Variants in SCML4 observed in about 807,000 individuals in gnomAD.
SCML4 encodes the protein Scm polycomb group protein like 4, also known as sex comb on midleg-like protein 4.
In SCML4, 34 loss-of-function variants were observed where a neutral mutation model predicts 41.1. The observed-to-expected ratio is 0.83, with a 90% CI of 0.63 to 1.10. The LOEUF (loss-of-function observed/expected upper bound fraction) is 1.10, where lower values mean the gene tolerates loss of function less well. Ranked by LOEUF, SCML4 falls within the 50% of genes least tolerant of loss-of-function variation. The pLI, the probability that SCML4 is intolerant of heterozygous loss-of-function variation, is 0.00. For missense variants in SCML4, 522 were observed against 534.1 expected (o/e 0.98, Z 0.22); for synonymous variants, 214 against 220.9 (o/e 0.97, Z 0.28).
chr6:107,786,885 T>C (rs528586932), intron 1 of SCML4, among the ~76,000 whole-genome samples: 1 of 152,366 alleles, frequency 6.6e-6, no homozygotes, highest in African/African-American at 2.4e-5. Flanking sequence ...GCTGCCAAGA[T>C]GGCTCTTCGC....
upstream of SCML4, among the ~76,000 whole-genome samples, chr6:107,825,936 CAAAAAAA>C (rs71015515): frequency 8.0e-5 from 5 of 62,654 alleles, no homozygotes; most frequent in African/African-American, 3.8e-4. Flanking sequence ...GACTCCATCT[CAAAAAAA>C]AAAAAAAAAA....
chr6:107,795,399 G>C (rs1264539149), intron 1 of SCML4, among the ~76,000 whole-genome samples: 2 of 152,020 alleles, frequency 1.3e-5, no homozygotes, highest in Non-Finnish European at 2.9e-5. Context: ...CTTAATTGCA[G>C]TATAATTTAC....
chr6:107,835,674 A>T, the SCML4 span, among the ~76,000 whole-genome samples: 1 of 144,454 alleles, frequency 6.9e-6, no homozygotes, highest in Non-Finnish European at 1.5e-5. Context: ...CTGAGATGGG[A>T]TGATCACTTG....
At chr6:107,787,625 T>C (rs1157277586) in intron 1 of SCML4, among the ~76,000 whole-genome samples, 2 of 152,248 alleles carry the variant, frequency 1.3e-5, no homozygotes, top group Admixed American at 6.5e-5. Context: ...TTTTGTAATA[T>C]AAACCAACAG....
chr6:107,804,453 TGGA>T lies in SCML4; in HGVS notation c.-60+19670_-60+19672del, dbSNP rs527804834. Among the ~76,000 whole-genome samples, 322 of 152,264 alleles carry T rather than the reference TGGA, an allele frequency of 2.1e-3. 1 individual carries two copies. Among genetic ancestry groups the T allele is most frequent in the African/African-American group, 7.5e-3 (310 of 41,550 alleles). On this transcript the variant is annotated intron_variant, in intron 1 of 7. Coordinates refer to ENST00000369020, the MANE Select transcript of SCML4 (RefSeq NM_198081.5). Reference sequence around the variant, plus strand: ...GATGCAGGGTGCCCAAAGGAGAGTCTGGAGGGGCCAGGAGAGAATGTGGGCCAG... The same window carrying T: ...GATGCAGGGTGCCCAAAGGAGAGTCTGGGGCCAGGAGAGAATGTGGGCCAG...
chr6:107,791,889 A>T (rs1378167928), intron 1 of SCML4, among the ~76,000 whole-genome samples: 7 of 152,120 alleles, frequency 4.6e-5, no homozygotes. Flanking sequence ...GAGCCCCAGG[A>T]GGTAGGGGAT....
chr6:107,755,893 G>A lies in SCML4; in HGVS notation c.157-6080C>T, dbSNP rs371538755. The stretch of plus-strand genomic sequence containing the variant: ...GAAACAAAACACACACAATGGTGGG[G>A]ACTGGTTACAGGGACACAGGTGCCA... On this transcript the variant is annotated intron_variant, in intron 2 of 7. Coordinates refer to ENST00000369020, the MANE Select transcript of SCML4 (RefSeq NM_198081.5). 5.3e-5 allele frequency among the ~76,000 whole-genome samples: 8 copies of A among 152,268 alleles called. No homozygotes were observed. The East Asian group carries it at 5.8e-4, about 11-fold the overall frequency.
At chr6:107,809,001 T>C (rs905803670) in intron 1 of SCML4, among the ~76,000 whole-genome samples, 3 of 151,118 alleles carry the variant, frequency 2.0e-5, no homozygotes, top group African/African-American at 7.2e-5. Context: ...AAAATTCATG[T>C]TGAAATGTAA....
At chr6:107,812,880 TAC>T (rs141469245) in intron 1 of SCML4, among the ~76,000 whole-genome samples, 7,216 of 141,372 alleles carry the variant, frequency 0.051, 564 homozygotes, top group African/African-American at 0.18. Flanking sequence ...CACAGACACA[TAC>T]ACACACACAC....
chr6:107,732,408 A>G (rs1776654032), intron 5 of SCML4: 1 of 152,254 alleles, frequency 6.6e-6, no homozygotes, highest in South Asian at 2.1e-4. Context: ...CTCAGCCCTG[A>G]GAATCAACCT....
chr6:107,712,428 T>C lies in SCML4; in HGVS notation c.974-4417A>G, dbSNP rs1375341780. Among the ~76,000 whole-genome samples the C allele has an allele frequency of 2.0e-5, 3 of 152,012 alleles. No individual in the cohort carries two copies. In the East Asian group the frequency reaches 5.8e-4, roughly 29 times the overall value. On this transcript the variant is annotated intron_variant, in intron 6 of 7. Coordinates refer to ENST00000369020, the MANE Select transcript of SCML4 (RefSeq NM_198081.5). ...TACAGTGTTGAAGGGCTGAGCCAGG[T>C]GGCTGGTTTGTCTTTAAGGAGGAGG...
chr6:107,738,988 G>C (rs186254161), intron 5 of SCML4, among the ~76,000 whole-genome samples: 1 of 152,194 alleles, frequency 6.6e-6, no homozygotes, highest in East Asian at 1.9e-4. Flanking sequence ...TTCAAATTCT[G>C]AGTGGCTTTG....
chr6:107,805,064 G>T (rs1291524663), intron 1 of SCML4, among the ~76,000 whole-genome samples: 1 of 152,176 alleles, frequency 6.6e-6, no homozygotes, highest in Non-Finnish European at 1.5e-5. Context: ...TGTGCTGGAG[G>T]CATTCCTACC....
At chr6:107,833,515 C>T in the SCML4 span, among the ~76,000 whole-genome samples, 1 of 152,108 alleles carries the variant, frequency 6.6e-6, no homozygotes, top group Non-Finnish European at 1.5e-5. Context: ...GGACTGCTTC[C>T]TTTCAGCAGT....
Position 107,772,115 on chromosome 6 carries a change from C to A in SCML4, c.156+57G>T, listed in dbSNP as rs1780564625. 9.5e-6 allele frequency: 14 copies of A among 1,474,226 alleles called. No homozygotes were observed. In the South Asian group the frequency reaches 1.8e-4, roughly 19 times the overall value. The allele number at this position is 1,474,226 out of a possible 1,614,324, so 91.3% of individuals were successfully genotyped here. Reference sequence around the variant, plus strand: ...TGGCATTTTGCAGTGCAGGTCTGACCAAGTACCCGTGCCCCAGCCCAATAC... The same window carrying A: ...TGGCATTTTGCAGTGCAGGTCTGACAAAGTACCCGTGCCCCAGCCCAATAC... On this transcript the variant is annotated intron_variant, in intron 2 of 7. Coordinates refer to ENST00000369020, the MANE Select transcript of SCML4 (RefSeq NM_198081.5).
Position 107,704,575 on chromosome 6 carries a change from C to T in SCML4, c.*625G>A, listed in dbSNP as rs368565521. ...CCTGCTACTGCAGTCAGTGAGGGTC[C>T]TGAAATTTCATTAGCAGTCTGCCCT... On this transcript the variant is annotated 3_prime_UTR_variant, in exon 8 of 8. Transcript: ENST00000369020. 1 of 155,786 alleles carries T rather than the reference C, an allele frequency of 6.4e-6. No homozygotes were observed. Among genetic ancestry groups the T allele is most frequent in the Non-Finnish European group, 1.4e-5 (1 of 70,958 alleles). 9.7% of individuals were successfully genotyped at this position (155,786 alleles called of 1,614,324 possible).
At chr6:107,801,034 C>T (rs1469035371) in intron 1 of SCML4, among the ~76,000 whole-genome samples, 4 of 152,210 alleles carry the variant, frequency 2.6e-5, no homozygotes, top group Admixed American at 2.6e-4. Flanking sequence ...TTTCTTTGAA[C>T]TTTCAGAGTA....
At chr6:107,751,575 T>TTTCTTTCTTTCC (rs1778633225) in intron 2 of SCML4, among the ~76,000 whole-genome samples, 6 of 44,124 alleles carry the variant, frequency 1.4e-4, no homozygotes, top group Non-Finnish European at 2.8e-4. Context: ...TTTAACAATC[T>TTTCTTTCTTTCC]TTCTTTCTTT....
Position 107,704,889 on chromosome 6 carries a change from G to T in SCML4, c.*311C>A, listed in dbSNP as rs1773456818. 1 of 404,636 alleles carries T rather than the reference G, an allele frequency of 2.5e-6. No individual in the cohort carries two copies. The highest frequency in any genetic ancestry group is 3.9e-5 in the Admixed American group (1 of 25,374). The allele number at this position is 404,636 out of a possible 1,614,324, so 25.1% of individuals were successfully genotyped here. ...CCTCCAGAACTCTCCTTGGGCATAAGCATTCAGTTCCCCACTCTCTCGTTA... is the reference window on the plus strand; with the variant it reads ...CCTCCAGAACTCTCCTTGGGCATAATCATTCAGTTCCCCACTCTCTCGTTA... On this transcript the variant is annotated 3_prime_UTR_variant, in exon 8 of 8. Coordinates refer to ENST00000369020, the MANE Select transcript of SCML4 (RefSeq NM_198081.5).
Sources: gnomAD v4.1 joint callset for allele counts (sites outside exome capture counted in the v4.1 genomes callset) on GRCh38, gnomAD v4.1.1 for gene constraint, MANE v1.5 for transcripts, NCBI Gene and HGNC (gene_info 2026-07-23, HGNC 2026-07-21) for gene names.